RAP1A: variants seen among roughly 807,000 people sequenced by gnomAD.
RAP1A encodes the protein ras-related protein Rap-1A.
A neutral mutation model predicts 26.4 loss-of-function variants in RAP1A; 6 were observed. The ratio of observed to expected loss-of-function variants is 0.23; its 90% CI spans 0.12 to 0.45. The LOEUF (loss-of-function observed/expected upper bound fraction) is 0.45, where lower values mean the gene tolerates loss of function less well. Ranked by LOEUF, RAP1A falls within the 20% of genes least tolerant of loss-of-function variation. The pLI is 0.99. For missense variants in RAP1A, 121 were observed against 217.2 expected (o/e 0.56, Z 2.78); for synonymous variants, 73 against 79.4 (o/e 0.92, Z 0.43).
chr1:111,573,196 C>T, intron 1 of RAP1A, among the ~76,000 whole-genome samples: 1 of 152,108 alleles, frequency 6.6e-6, no homozygotes, highest in East Asian at 1.9e-4. Flanking sequence ...GTGAATAGTG[C>T]TCCAATGAAT....
At position 111,619,839 on chromosome 1, in the gene RAP1A, G is replaced by T; in HGVS notation, c.-123G>T. 1 of 398,978 alleles carries T rather than the reference G, an allele frequency of 2.5e-6. No individual in the cohort carries two copies. 24.7% of individuals were successfully genotyped at this position (398,978 alleles called of 1,614,324 possible). ...CCGCCGCTCCCGCTGCTGTCGCCGCGCAGAGCCGGAGCAGGAGCCACGGCC... is the reference window on the plus strand; with the variant it reads ...CCGCCGCTCCCGCTGCTGTCGCCGCTCAGAGCCGGAGCAGGAGCCACGGCC... On this transcript the variant is annotated 5_prime_UTR_variant, in exon 1 of 8. Transcript: ENST00000369709.
intron 1 of RAP1A, among the ~76,000 whole-genome samples, chr1:111,605,664 A>G (rs1273551407): frequency 1.3e-5 from 2 of 152,240 alleles, no homozygotes; most frequent in African/African-American, 2.4e-5. Context: ...AAAAGCCAGA[A>G]ATCCAAACAC....
chr1:111,620,141 C>T (rs1659143624), intron 1 of RAP1A, among the ~76,000 whole-genome samples: 1 of 152,176 alleles, frequency 6.6e-6, no homozygotes, highest in African/African-American at 2.4e-5. Context: ...CCGCCAGGGC[C>T]AGAGCCAACC....
At chr1:111,548,840 T>C (rs1020707085) in intron 1 of RAP1A, among the ~76,000 whole-genome samples, 5 of 152,220 alleles carry the variant, frequency 3.3e-5, no homozygotes, top group East Asian at 1.9e-4. Flanking sequence ...AAATGTGATG[T>C]TTGTTCTTGC....
intron 1 of RAP1A, among the ~76,000 whole-genome samples, chr1:111,571,465 G>T (rs1253354238): frequency 6.6e-6 from 1 of 152,208 alleles, no homozygotes; most frequent in Admixed American, 6.5e-5. Context: ...GCTCCAACCT[G>T]AGTCACCTCA....
intron 1 of RAP1A, among the ~76,000 whole-genome samples, chr1:111,638,687 A>T (rs1449298477): frequency 6.6e-6 from 1 of 151,960 alleles, no homozygotes. Flanking sequence ...TTGCCCCCCA[A>T]AGTTCTGGGA....
At chr1:111,695,232 A>G in intron 2 of RAP1A, 109 bp from the exon 3 acceptor site, 1 of 749,898 alleles carries the variant, frequency 1.3e-6, no homozygotes, top group East Asian at 3.3e-5. Flanking sequence ...TTACGTGTTT[A>G]CCCAGAATTT....
chr1:111,708,083 G>A, intron 6 of RAP1A, among the ~76,000 whole-genome samples: 1 of 152,188 alleles, frequency 6.6e-6, no homozygotes. Context: ...GGCTGAGATG[G>A]AAGGATCACT....
chr1:111,603,303 C>T (rs946483095), intron 1 of RAP1A, among the ~76,000 whole-genome samples: 6 of 152,214 alleles, frequency 3.9e-5, no homozygotes, highest in Non-Finnish European at 7.3e-5. Flanking sequence ...AACATCTTAC[C>T]TCTGTCCTTC....
intron 1 of RAP1A, among the ~76,000 whole-genome samples, chr1:111,542,889 G>C (rs1240113458): frequency 6.6e-6 from 1 of 151,976 alleles, no homozygotes; most frequent in Non-Finnish European, 1.5e-5. Flanking sequence ...TAGAGATGGG[G>C]TTTCACCATG....
upstream of RAP1A, among the ~76,000 whole-genome samples, chr1:111,617,814 C>T (rs186752876): frequency 6.6e-6 from 1 of 150,806 alleles, no homozygotes; most frequent in Non-Finnish European, 1.5e-5. Flanking sequence ...GAGGCCGAGG[C>T]GGGTGGATCA....
intron 1 of RAP1A, among the ~76,000 whole-genome samples, chr1:111,584,293 G>C (rs1658320165): frequency 6.6e-6 from 1 of 152,094 alleles, no homozygotes; most frequent in Non-Finnish European, 1.5e-5. Flanking sequence ...CTCCCTGTCT[G>C]TTTGCTTGGG....
intron 1 of RAP1A, among the ~76,000 whole-genome samples, chr1:111,606,638 A>G (rs1341782396): frequency 6.6e-6 from 1 of 152,032 alleles, no homozygotes; most frequent in Non-Finnish European, 1.5e-5. Context: ...TCCCACCACC[A>G]CACTCCTACT....
chr1:111,669,107 G>A (rs950874611), intron 1 of RAP1A, among the ~76,000 whole-genome samples: 2 of 151,126 alleles, frequency 1.3e-5, no homozygotes, highest in African/African-American at 4.9e-5. Context: ...CTTAACAATA[G>A]ATTATAATTA....
chr1:111,608,060 C>G (rs1208248592), intron 1 of RAP1A: 1 of 157,502 alleles, frequency 6.3e-6, no homozygotes, highest in Non-Finnish European at 1.4e-5. Flanking sequence ...ACCTCCCTCC[C>G]GGACGGGGTG....
intron 1 of RAP1A, among the ~76,000 whole-genome samples, chr1:111,687,697 A>T (rs566283256): frequency 1.3e-5 from 2 of 152,164 alleles, no homozygotes; most frequent in East Asian, 3.9e-4. Flanking sequence ...TGTGATTGTT[A>T]CCATTTTTGA....
At chr1:111,686,471 A>C (rs1437085290) in intron 1 of RAP1A, 1 of 151,934 alleles carries the variant, frequency 6.6e-6, no homozygotes, top group Non-Finnish European at 1.5e-5. Context: ...CAGGAGTTTG[A>C]GACTAGCCTG....
intron 1 of RAP1A, among the ~76,000 whole-genome samples, chr1:111,653,417 C>T (rs1048137849): frequency 6.6e-6 from 1 of 152,078 alleles, no homozygotes; most frequent in African/African-American, 2.4e-5. Flanking sequence ...CGCGGTGGCT[C>T]ACGCCTGTAA....
chr1:111,545,139 C>T (rs556211470), intron 1 of RAP1A, among the ~76,000 whole-genome samples: 3 of 152,032 alleles, frequency 2.0e-5, no homozygotes, highest in African/African-American at 7.2e-5. Flanking sequence ...TGGGTATATA[C>T]CAAGAAGCAG....
Sources: allele counts gnomAD v4.1 joint callset (sites outside exome capture counted in the v4.1 genomes callset), GRCh38; gene constraint gnomAD v4.1.1; transcripts MANE v1.5; gene names NCBI Gene and HGNC (gene_info 2026-07-23, HGNC 2026-07-21).